The following IKZF5 variants were observed in gnomAD, a reference collection of about 807,000 sequenced individuals.
IKZF5 encodes zinc finger protein Pegasus.
In IKZF5, 4 loss-of-function variants were observed where a neutral mutation model predicts 30.7. The observed-to-expected ratio is 0.13, with a 90% CI of 0.06 to 0.30. The LOEUF (loss-of-function observed/expected upper bound fraction) is 0.30, where lower values mean the gene tolerates loss of function less well. Among genes scored for constraint, IKZF5 ranks in the 10% least tolerant of loss-of-function variants. The pLI is 1.00. For synonymous variants in IKZF5, 148 were observed against 179.6 expected, an observed-to-expected ratio of 0.82 and a Z score of 1.41; for missense variants, 348 against 525.5, an observed-to-expected ratio of 0.66 and a Z score of 3.30.
intron 3 of IKZF5, among the ~76,000 whole-genome samples, chr10:122,996,901 CTATT>C (rs1320228125): frequency 3.9e-5 from 6 of 152,158 alleles, no homozygotes; most frequent in African/African-American, 1.2e-4. Flanking sequence ...AACCCTAACT[CTATT>C]TATTTTAGTC....
rs764422804 is a variant in IKZF5, at chr10:122,994,208, C to T, written c.832G>A (p.Val278Ile). Residue 278 changes from valine (V) to isoleucine (I), a missense_variant, in exon 5 of 5, where the codon GTT becomes ATT. Val to Ile is a conservative substitution (Grantham distance 29). This residue lies in a region of IKZF5 where 176 missense variants were observed against 198.2 expected (regional missense o/e 0.89). Transcript: ENST00000368886. The surrounding 1 kb of genome is among the most constrained non-coding windows in gnomAD (Gnocchi z 5.6). Reference protein sequence around the residue: ...ENQNPASPDVVPCPDEKPFMI... With the variant: ...ENQNPASPDVIPCPDEKPFMI... ...AAAGGCTTTTCATCAGGGCAGGGAA[C>T]TACATCAGGGGATGCAGGGTTTTGG... The T allele has an allele frequency of 1.2e-6, 2 of 1,614,118 alleles. No homozygotes were observed. The highest frequency in any genetic ancestry group is 1.7e-6 in the Non-Finnish European group (2 of 1,180,030).
intron 2 of IKZF5, among the ~76,000 whole-genome samples, 198 bp downstream of exon 2, chr10:123,006,828 T>C (rs1207813387): frequency 6.6e-6 from 1 of 152,134 alleles, no homozygotes; most frequent in East Asian, 1.9e-4. Flanking sequence ...CGTTGACAAA[T>C]AAGGATTGGT....
In IKZF5 at chr10:122,991,137, A is replaced by G. The variant is rs148725645; in HGVS notation, c.*2643T>C. The G allele has an allele frequency of 1.3e-5, 2 of 152,226 alleles. No individual in the cohort carries two copies. Among genetic ancestry groups the G allele is most frequent in the East Asian group, 3.9e-4 (2 of 5,186 alleles). 9.4% of individuals were successfully genotyped at this position (152,226 alleles called of 1,614,324 possible). ...GATTTTATCTCTGAGTATTTTTTGT[A>G]GTATTCCCCTTGTCCAGTTTTTGCA... On this transcript the variant is annotated 3_prime_UTR_variant, in exon 5 of 5. Coordinates refer to ENST00000368886, the MANE Select transcript of IKZF5 (RefSeq NM_001372123.1).
In IKZF5 at chr10:122,994,976, T is replaced by C. The variant is rs1404422285; in HGVS notation, c.317-253A>G. ...AGTCAATACAGTATAAAAACTGTTA[T>C]GGCTTCGAATGCATTTAGAGAGAAG... On this transcript the variant is annotated intron_variant, in intron 4 of 4. Coordinates refer to ENST00000368886, the MANE Select transcript of IKZF5 (RefSeq NM_001372123.1). The surrounding 1 kb of genome is among the most constrained non-coding windows in gnomAD (Gnocchi z 5.6). 3 of 406,958 alleles carry C rather than the reference T, an allele frequency of 7.4e-6. No homozygotes were observed. The highest frequency in any genetic ancestry group is 4.1e-5 in the East Asian group (1 of 24,366). 25.2% of individuals were successfully genotyped at this position (406,958 alleles called of 1,614,324 possible). A position where few individuals can be genotyped will look rare whatever the true frequency, so the allele number is the denominator to read the frequency against.
intron 4 of IKZF5, among the ~76,000 whole-genome samples, chr10:122,995,321 G>A (rs1018123625): frequency 6.6e-6 from 1 of 152,182 alleles, no homozygotes; most frequent in East Asian, 1.9e-4. Flanking sequence ...GTTGTTAACT[G>A]AAGACTGCCC....
chr10:122,997,652 C>T (rs998178771), intron 3 of IKZF5: 1 of 152,192 alleles, frequency 6.6e-6, no homozygotes, highest in Non-Finnish European at 1.5e-5. Flanking sequence ...TTTCTATAGG[C>T]ATGAAATAGT....
rs2133367766 is a variant in IKZF5 at position 122,991,251 on chromosome 10, G to A, written c.*2529C>T. 6.6e-6 allele frequency: 1 copy of A among 152,212 alleles called. No individual in the cohort carries two copies. The highest frequency in any genetic ancestry group is 1.9e-4 in the East Asian group (1 of 5,184). The allele number at this position is 152,212 out of a possible 1,614,324, so 9.4% of individuals were successfully genotyped here. A position where few individuals can be genotyped will look rare whatever the true frequency, so the allele number is the denominator to read the frequency against. ...CAAAGTAAATGTCTAGCCTTAACTT[G>A]AAGTTCAAGAAGTTGTAGCTACATA... is the stretch of plus-strand genomic sequence containing the variant. On this transcript the variant is annotated 3_prime_UTR_variant, in exon 5 of 5. Transcript: ENST00000368886.
chr10:122,996,960 G>A (rs939400951), intron 3 of IKZF5, among the ~76,000 whole-genome samples: 1 of 152,136 alleles, frequency 6.6e-6, no homozygotes, highest in African/African-American at 2.4e-5. Context: ...TTATATGTAC[G>A]TTCTAGATCT....
At chr10:123,004,778 C>T (rs1040729464) in intron 2 of IKZF5, among the ~76,000 whole-genome samples, 4 of 152,050 alleles carry the variant, frequency 2.6e-5, no homozygotes, top group Admixed American at 1.3e-4. Flanking sequence ...GGTGTCATTT[C>T]GTCCCTAAGC....
At chr10:122,996,441 G>A (rs1849375308) in intron 3 of IKZF5, among the ~76,000 whole-genome samples, 2 of 151,552 alleles carry the variant, frequency 1.3e-5, no homozygotes, top group African/African-American at 4.9e-5. Flanking sequence ...TGTAATCCCA[G>A]AACTTTGGGA....
chr10:123,007,578 A>G (rs1849847552), intron 1 of IKZF5, among the ~76,000 whole-genome samples: 1 of 152,156 alleles, frequency 6.6e-6, no homozygotes, highest in Admixed American at 6.5e-5. Flanking sequence ...GGGAAATGGG[A>G]AAGGGCTTTA....
At chr10:123,003,263 C>T (rs1204245438) in intron 2 of IKZF5, among the ~76,000 whole-genome samples, 1 of 150,150 alleles carries the variant, frequency 6.7e-6, no homozygotes, top group Non-Finnish European at 1.5e-5. Context: ...GGTCATAATT[C>T]CCTAAACAAT....
intron 2 of IKZF5, among the ~76,000 whole-genome samples, chr10:123,000,860 TG>T (rs1409703525): frequency 6.6e-6 from 1 of 152,230 alleles, no homozygotes. Context: ...TACCCTCTGT[TG>T]TATAATGTCT....
chr10:123,005,886 C>G (rs1454502365), intron 2 of IKZF5, among the ~76,000 whole-genome samples: 1 of 152,208 alleles, frequency 6.6e-6, no homozygotes, highest in Non-Finnish European at 1.5e-5. Flanking sequence ...TAATTCGTTA[C>G]AGCAACCTGA....
intron 2 of IKZF5, among the ~76,000 whole-genome samples, chr10:123,003,581 C>T (rs1429645468): frequency 1.3e-5 from 2 of 152,176 alleles, no homozygotes; most frequent in African/African-American, 4.8e-5. Context: ...ATACATAAAG[C>T]ATATTGTGAC....
intron 4 of IKZF5, chr10:122,995,066 C>A: frequency 4.6e-6 from 1 of 216,568 alleles, no homozygotes; most frequent in South Asian, 1.1e-4. Context: ...AAAAGTATGT[C>A]TCAGTTATAT....
chr10:123,000,879 C>A (rs1487608900), intron 2 of IKZF5, among the ~76,000 whole-genome samples: 2 of 152,070 alleles, frequency 1.3e-5, no homozygotes, highest in African/African-American at 2.4e-5. Context: ...TCTGCTCATA[C>A]CTTTTGCTTA....
intron 2 of IKZF5, among the ~76,000 whole-genome samples, chr10:123,005,826 C>T (rs1849760185): frequency 6.6e-6 from 1 of 152,194 alleles, no homozygotes; most frequent in Admixed American, 6.5e-5. Context: ...GATTTCCCAG[C>T]CTCCAGAACT....
chr10:122,998,566 A>G lies in IKZF5; in HGVS notation c.60T>C (p.Thr20=). 6.2e-7 allele frequency: 1 copy of G among 1,613,784 alleles called. No homozygotes were observed. Among genetic ancestry groups the G allele is most frequent in the African/African-American group, 1.3e-5 (1 of 75,060 alleles). Residue 20 remains threonine, a synonymous_variant, in exon 3 of 5, where the codon ACT becomes ACC. Coordinates refer to ENST00000368886, the MANE Select transcript of IKZF5 (RefSeq NM_001372123.1). ...TCATGTTCACGTGATGGGTCTGCTG[A>G]GTCAGGTATTCCTGAAAATCTTTCA... ...DFVKDFQEYL[T]QQTHHVNMIS...
Sources: allele counts gnomAD v4.1 joint callset (sites outside exome capture counted in the v4.1 genomes callset), GRCh38; gene constraint gnomAD v4.1.1; regional missense constraint gnomAD v4.1.1; non-coding constraint Gnocchi (gnomAD v3.1); transcripts MANE v1.5; gene names NCBI Gene and HGNC (gene_info 2026-07-23, HGNC 2026-07-21).